UBE3C: variants seen among roughly 807,000 people sequenced by gnomAD.
UBE3C encodes ubiquitin protein ligase E3C.
In UBE3C, 42 loss-of-function variants were observed where a neutral mutation model predicts 129.4. That is an observed-to-expected ratio of 0.32 (90% CI 0.25 to 0.42). The LOEUF (loss-of-function observed/expected upper bound fraction) is 0.42, where lower values mean the gene tolerates loss of function less well. UBE3C is among the 10% of genes least tolerant of loss of function. UBE3C has a pLI of 1.00. For missense variants in UBE3C, 1,049 were observed against 1,319.1 expected, an observed-to-expected ratio of 0.80 and a Z score of 3.17; for synonymous variants, 510 against 492.4, an observed-to-expected ratio of 1.04 and a Z score of -0.47.
rs574218796 is a variant in UBE3C, at chr7:157,230,990, C to T, written c.2234-90C>T. On this transcript the variant is annotated intron_variant, in intron 17 of 22. Coordinates refer to ENST00000348165, the MANE Select transcript of UBE3C (RefSeq NM_014671.3). ...TTAAAATGTCCCTAAGATCCTCACA[C>T]CCCTTCCTTAAGCCTTCCTGTAAGG... 7.9e-6 allele frequency: 12 copies of T among 1,524,834 alleles called. No homozygotes were observed. In the East Asian group the frequency reaches 2.7e-4, roughly 34 times the overall value. 94.5% of individuals were successfully genotyped at this position (1,524,834 alleles called of 1,614,324 possible).
chr7:157,144,769 C>G (rs531433838), intron 1 of UBE3C, among the ~76,000 whole-genome samples: 1 of 152,188 alleles, frequency 6.6e-6, no homozygotes, highest in East Asian at 1.9e-4. Flanking sequence ...TATGCCTAGT[C>G]TCCCTCACCT....
chr7:157,141,127 G>A (rs768476586), intron 1 of UBE3C, among the ~76,000 whole-genome samples: 6 of 152,164 alleles, frequency 3.9e-5, no homozygotes, highest in African/African-American at 1.2e-4. Flanking sequence ...ACCCTGAGCC[G>A]AGGGCCATTC....
chr7:157,141,957 G>A (rs1447769710), intron 1 of UBE3C, among the ~76,000 whole-genome samples: 4 of 152,188 alleles, frequency 2.6e-5, no homozygotes, highest in African/African-American at 7.2e-5. Flanking sequence ...TAGATGATAC[G>A]CATGTTCAGC....
In UBE3C at chr7:157,182,237, A is replaced by G. The variant is rs1176417264; in HGVS notation, c.900A>G (p.Ala300=). Residue 300 remains alanine, a synonymous_variant, in exon 8 of 23, where the codon GCA becomes GCG. Transcript: ENST00000348165. Reference sequence around the variant, plus strand: ...TCCCTTACGAGCCCTTTCTGAATGCACTGTTGTTAATAGAGAGTAGATGTT... The same window carrying G: ...TCCCTTACGAGCCCTTTCTGAATGCGCTGTTGTTAATAGAGAGTAGATGTT... ...TVFPYEPFLN[A]LLLIESRCSR... The G allele has an allele frequency of 2.5e-6, 4 of 1,614,120 alleles. No homozygotes were observed. Among genetic ancestry groups the G allele is most frequent in the Non-Finnish European group, 3.4e-6 (4 of 1,180,048 alleles).
chr7:157,139,674 C>T (rs1016378327), intron 1 of UBE3C, among the ~76,000 whole-genome samples: 7 of 152,266 alleles, frequency 4.6e-5, no homozygotes, highest in African/African-American at 1.4e-4. Context: ...CCGTGGCTCC[C>T]TTCCATGCAG....
intron 9 of UBE3C, among the ~76,000 whole-genome samples, chr7:157,185,753 A>G (rs1369439314): frequency 6.6e-6 from 1 of 152,204 alleles, no homozygotes; most frequent in Non-Finnish European, 1.5e-5. Flanking sequence ...ATTGTACACT[A>G]CAAAAATAGT....
chr7:157,179,197 C>T (rs1372550697), intron 6 of UBE3C, among the ~76,000 whole-genome samples: 2 of 151,952 alleles, frequency 1.3e-5, no homozygotes, highest in Non-Finnish European at 2.9e-5. Flanking sequence ...GCTCTTACCA[C>T]CTCCTGGTCA....
chr7:157,150,875 G>A (rs1045635348), intron 1 of UBE3C, among the ~76,000 whole-genome samples: 1 of 152,232 alleles, frequency 6.6e-6, no homozygotes, highest in African/African-American at 2.4e-5. Context: ...ACCTTGGTCA[G>A]TTCTGTGGGG....
intron 13 of UBE3C, among the ~76,000 whole-genome samples, chr7:157,211,360 C>T (rs143594017): frequency 1.4e-4 from 22 of 152,270 alleles, no homozygotes; most frequent in African/African-American, 4.8e-4. Flanking sequence ...AAGCTTGTAG[C>T]GCTGTGCCTT....
At chr7:157,195,044 T>C (rs1809078376) in intron 10 of UBE3C, among the ~76,000 whole-genome samples, 1 of 152,208 alleles carries the variant, frequency 6.6e-6, no homozygotes, top group South Asian at 2.1e-4. Context: ...CAGCCTTCTC[T>C]AGAGAAAGTG....
intron 2 of UBE3C, among the ~76,000 whole-genome samples, chr7:157,164,927 T>G (rs1808172624): frequency 6.6e-6 from 1 of 151,944 alleles, no homozygotes; most frequent in Non-Finnish European, 1.5e-5. Flanking sequence ...GTGAAAAGAG[T>G]TTAGGCAGGA....
At position 157,256,892 on chromosome 7, in the gene UBE3C, GCATGTGTT is replaced by G. The variant is rs1563077385; in HGVS notation, c.2951-18_2951-11del. ...GTGGGTGTGCTTTGCATTTCATAAA[GCATGTGTT>G]CATTTTGCCATAGGAGGCTATTCTG... On this transcript the variant is annotated splice_polypyrimidine_tract_variant and intron_variant, in intron 21 of 22. Coordinates refer to ENST00000348165, the MANE Select transcript of UBE3C (RefSeq NM_014671.3). 6.2e-7 allele frequency: 1 copy of G among 1,613,696 alleles called. No homozygotes were observed. Among genetic ancestry groups the G allele is most frequent in the Non-Finnish European group, 8.5e-7 (1 of 1,179,706 alleles).
intron 18 of UBE3C, among the ~76,000 whole-genome samples, chr7:157,247,075 GA>G (rs1796496326): frequency 6.6e-6 from 1 of 152,054 alleles, no homozygotes; most frequent in Non-Finnish European, 1.5e-5. Flanking sequence ...TTATTTAGTA[GA>G]GACGGGGTTT....
Position 157,198,537 on chromosome 7 carries a change from T to C in UBE3C, c.1332-3184T>C, listed in dbSNP as rs367976010. On this transcript the variant is annotated intron_variant, in intron 10 of 22. Transcript: ENST00000348165. ...CTTCCGCTGGCTGTATTTGTCTTTT[T>C]TTTTTTATTTTTTTCGACAGGGAGT... 11 of 314,942 alleles carry C rather than the reference T, an allele frequency of 3.5e-5. No homozygotes were observed. The East Asian group carries it at 9.2e-4, about 26-fold the overall frequency. 19.5% of individuals were successfully genotyped at this position (314,942 alleles called of 1,614,324 possible).
At chr7:157,248,742 T>A in intron 19 of UBE3C, 162 bp downstream of exon 19, 1 of 716,714 alleles carries the variant, frequency 1.4e-6, no homozygotes. Context: ...CAAAGCACCT[T>A]AGCCCTGGCG....
Position 157,181,578 on chromosome 7 carries a change from C to T in UBE3C, c.677C>T (p.Ser226Phe), listed in dbSNP as rs201037074. 4 of 1,613,422 alleles carry T rather than the reference C, an allele frequency of 2.5e-6. No individual in the cohort carries two copies. The East Asian group carries it at 6.7e-5, about 27-fold the overall frequency. Residue 226 changes from serine to phenylalanine, a missense_variant, in exon 7 of 23, where the codon TCT becomes TTT. By Grantham distance (155) the Ser-to-Phe change is radical. Around this residue, in one of 4 missense-constraint regions of UBE3C, gnomAD observed 489 missense variants for 513.8 expected, o/e 0.95. Coordinates refer to ENST00000348165, the MANE Select transcript of UBE3C (RefSeq NM_014671.3). Reference protein sequence around the residue: ...NSKLPSSIEYSDLSRVPIAKI... With the variant: ...NSKLPSSIEYFDLSRVPIAKI... ...AAGCTTCCATCAAGTATTGAATATTCTGATTTATCTCGAGTTCCTATAGCA... is the reference window on the plus strand; with the variant it reads ...AAGCTTCCATCAAGTATTGAATATTTTGATTTATCTCGAGTTCCTATAGCA...
At chr7:157,222,874 T>G in intron 15 of UBE3C, 1 of 212,844 alleles carries the variant, frequency 4.7e-6, no homozygotes, top group Non-Finnish European at 9.5e-6. Flanking sequence ...TTTGTTGCCA[T>G]AGTAGGAGGG....
At position 157,220,684 on chromosome 7, in the gene UBE3C, G is replaced by A. The variant is rs182981600; in HGVS notation, c.1915-5G>A. On this transcript the variant is annotated splice_polypyrimidine_tract_variant and splice_region_variant and intron_variant, in intron 14 of 22. Coordinates refer to ENST00000348165, the MANE Select transcript of UBE3C (RefSeq NM_014671.3). Reference sequence around the variant, plus strand: ...GGAGTTCTGAACCAGGATTGCCCCCGACAGGTCACTCAGCTCTATGTGCCA... The same window carrying A: ...GGAGTTCTGAACCAGGATTGCCCCCAACAGGTCACTCAGCTCTATGTGCCA... 74 of 1,614,062 alleles carry A rather than the reference G, an allele frequency of 4.6e-5. No individual in the cohort carries two copies. The Admixed American group carries it at 9.0e-4, about 20-fold the overall frequency.
At chr7:157,158,764 G>T (rs1029108417) in intron 1 of UBE3C, among the ~76,000 whole-genome samples, 1 of 151,902 alleles carries the variant, frequency 6.6e-6, no homozygotes, top group Non-Finnish European at 1.5e-5. Context: ...CCATGGGGAC[G>T]TTTTTTTTCT....
Sources: allele counts gnomAD v4.1 joint callset (sites outside exome capture counted in the v4.1 genomes callset), GRCh38; gene constraint gnomAD v4.1.1; regional missense constraint gnomAD v4.1.1; transcripts MANE v1.5; gene names NCBI Gene and HGNC (gene_info 2026-07-23, HGNC 2026-07-21).